The following HEMK1 variants were observed in gnomAD, a reference collection of about 807,000 sequenced individuals.
HEMK1 encodes MTRF1L release factor glutamine methyltransferase.
HEMK1 carries 36 observed loss-of-function variants against 47.9 expected under a neutral mutation model. The observed-to-expected ratio is 0.75, with a 90% CI of 0.58 to 0.99. The LOEUF is 0.99. HEMK1 is among the 50% of genes least tolerant of loss of function. HEMK1 has a pLI of 0.00. For missense variants in HEMK1, 383 were observed against 434.5 expected (o/e 0.88, Z 1.05); for synonymous variants, 153 against 165.4 (o/e 0.93, Z 0.57).
chr3:50,595,461 C>T lies in HEMK1; in HGVS notation c.*15044C>T, dbSNP rs914517014. ...CTGCATGCTGAATTTAGGGGACCCA[C>T]GTCTTTTATAATAAGCTGCAAGCAA... On this transcript the variant is annotated 3_prime_UTR_variant, in exon 11 of 11. Transcript: ENST00000232854. The T allele has an allele frequency of 7.2e-5, 11 of 152,172 alleles. No homozygotes were observed. The highest frequency in any genetic ancestry group is 2.4e-4 in the African/African-American group (10 of 41,434). The allele number at this position is 152,172 out of a possible 1,614,324, so 9.4% of individuals were successfully genotyped here.
Position 50,589,362 on chromosome 3 carries a change from C to G in HEMK1, c.*8945C>G, listed in dbSNP as rs1039811603. 1 of 151,852 alleles carries G rather than the reference C, an allele frequency of 6.6e-6. No homozygotes were observed. The highest frequency in any genetic ancestry group is 1.9e-4 in the East Asian group (1 of 5,190). 9.4% of individuals were successfully genotyped at this position (151,852 alleles called of 1,614,324 possible). A position where few individuals can be genotyped will look rare whatever the true frequency, so the allele number is the denominator to read the frequency against. ...GTTCTCTGAGCACATAGGAAGGATT[C>G]TAATGTGTCATAATTTGGTGCTGTG... On this transcript the variant is annotated 3_prime_UTR_variant, in exon 11 of 11. Transcript: ENST00000232854.
intron 4 of HEMK1, 53 bp from the exon 5 acceptor site, chr3:50,576,999 C>G: frequency 6.2e-7 from 1 of 1,606,698 alleles, no homozygotes; most frequent in Non-Finnish European, 8.5e-7. Context: ...TGTACCAAGA[C>G]CCCCAGGAGC....
At chr3:50,574,248 C>G (rs1454233753) in intron 4 of HEMK1, among the ~76,000 whole-genome samples, 1 of 152,218 alleles carries the variant, frequency 6.6e-6, no homozygotes, top group African/African-American at 2.4e-5. Flanking sequence ...GGCTTTTAGT[C>G]TTGCCGAAAG....
chr3:50,571,926 G>T (rs947596120), intron 3 of HEMK1, 125 bp downstream of exon 3: 2 of 1,276,034 alleles, frequency 1.6e-6, no homozygotes, highest in African/African-American at 1.5e-5. Flanking sequence ...GGGTGCAGGA[G>T]TGGCAAGAGT....
In HEMK1 at chr3:50,580,071, C is replaced by T. The variant is rs2232253; in HGVS notation, c.867-45C>T. ...AGCCCAAGCAGCCCAGAAGGGCAGG[C>T]GCCAGACCTGTCCTGCTGAGCCCAC... is the stretch of plus-strand genomic sequence containing the variant. On this transcript the variant is annotated intron_variant, in intron 9 of 10. Coordinates refer to ENST00000232854, the MANE Select transcript of HEMK1 (RefSeq NM_016173.5). The T allele has an allele frequency of 0.12, 186,762 of 1,566,892 alleles. 12,057 individuals carry two copies. Among genetic ancestry groups the T allele is most frequent in the Non-Finnish European group, 0.13 (148,984 of 1,137,344 alleles).
intron 1 of HEMK1, chr3:50,570,406 A>G (rs912393021): frequency 6.6e-6 from 1 of 152,266 alleles, no homozygotes; most frequent in Non-Finnish European, 1.5e-5. Flanking sequence ...TTCAGCATGT[A>G]CATCCATGAC....
At position 50,577,058 on chromosome 3, in the gene HEMK1, G is replaced by A. The variant is rs760991226; in HGVS notation, c.421G>A (p.Val141Ile). 3.7e-6 allele frequency: 6 copies of A among 1,613,978 alleles called. No homozygotes were observed. The highest frequency in any genetic ancestry group is 1.1e-5 in the South Asian group (1 of 91,084). The part of the protein sequence containing the change: ...FIPRPETEEL[V>I]EWVLEEVAQR... Reference sequence around the variant, plus strand: ...AGATCCCTCTGCTTCACAGGAACTGGTTGAGTGGGTGCTGGAAGAGGTGGC... The same window carrying A: ...AGATCCCTCTGCTTCACAGGAACTGATTGAGTGGGTGCTGGAAGAGGTGGC... The change falls in exon 5 of 11, where the codon GTT becomes ATT. Residue 141 changes from valine (V) to isoleucine (I), a missense_variant. Physicochemically the swap from Val to Ile is conservative, Grantham distance 29 (BLOSUM62 3). Coordinates refer to ENST00000232854, the MANE Select transcript of HEMK1 (RefSeq NM_016173.5).
rs1381291002 is a variant in HEMK1, at chr3:50,582,439, C to T, written c.*2022C>T. The stretch of plus-strand genomic sequence containing the variant: ...GTTGAGCCCAGATGTTGGAGCCACA[C>T]CAGCCTGGATTTCAATCCCAGAATC... On this transcript the variant is annotated 3_prime_UTR_variant, in exon 11 of 11. Coordinates refer to ENST00000232854, the MANE Select transcript of HEMK1 (RefSeq NM_016173.5). 2 of 152,264 alleles carry T rather than the reference C, an allele frequency of 1.3e-5. No homozygotes were observed. Among genetic ancestry groups the T allele is most frequent in the African/African-American group, 4.8e-5 (2 of 41,462 alleles). 9.4% of individuals were successfully genotyped at this position (152,264 alleles called of 1,614,324 possible).
chr3:50,571,493 A>T, intron 2 of HEMK1, 161 bp downstream of exon 2: 1 of 668,932 alleles, frequency 1.5e-6, no homozygotes, highest in Admixed American at 2.8e-5. Context: ...AGTTTGTTGG[A>T]TGAATGAATA....
Position 50,570,966 on chromosome 3 carries a change from T to G in HEMK1, c.-139T>G. 1 of 588,462 alleles carries G rather than the reference T, an allele frequency of 1.7e-6. No individual in the cohort carries two copies. The highest frequency in any genetic ancestry group is 2.9e-6 in the Non-Finnish European group (1 of 344,688). 36.5% of individuals were successfully genotyped at this position (588,462 alleles called of 1,614,324 possible). On this transcript the variant is annotated 5_prime_UTR_variant, in exon 2 of 11. It adds an upstream start codon to the 5' untranslated region. Coordinates refer to ENST00000232854, the MANE Select transcript of HEMK1 (RefSeq NM_016173.5). ...AACTATATCTGAGGACCAGAGCCAT[T>G]TTGGGGCACCAGAGCTTGTGACCTC... is the stretch of plus-strand genomic sequence containing the variant.
chr3:50,577,545 A>G lies in HEMK1; in HGVS notation c.586A>G (p.Ile196Val). 1 of 1,614,136 alleles carries G rather than the reference A, an allele frequency of 6.2e-7. No individual in the cohort carries two copies. Among genetic ancestry groups the G allele is most frequent in the Non-Finnish European group, 8.5e-7 (1 of 1,180,000 alleles). Residue 196 changes from isoleucine (I) to valine (V), a missense_variant, in exon 6 of 11, where the codon ATC becomes GTC. Ile to Val is a conservative substitution (Grantham distance 29, BLOSUM62 3). Transcript: ENST00000232854. ...TGCTGTGGATAAGCGGGAAGCTGCT[A>G]TCTCTCTGACCCATGAGAATGCTCA... ...VIAVDKREAA[I>V]SLTHENAQRL...
rs1701065867 is a variant in HEMK1, at chr3:50,572,196, G to GC, written c.404dup (p.Glu136ArgfsTer7). On this transcript the variant is annotated frameshift_variant, in exon 4 of 11. Coordinates refer to ENST00000232854, the MANE Select transcript of HEMK1 (RefSeq NM_016173.5). LOFTEE classifies it high-confidence loss of function. ...TGGTGCCCCCAGTGTTTATTCCTCG[G>GC]CCAGAAACAGAGGTAGGTGTGCCAC... 1 of 1,613,382 alleles carries GC rather than the reference G, an allele frequency of 6.2e-7. No homozygotes were observed. Among genetic ancestry groups the GC allele is most frequent in the African/African-American group, 1.3e-5 (1 of 75,016 alleles).
At position 50,595,189 on chromosome 3, in the gene HEMK1, C is replaced by T. The variant is rs576399505; in HGVS notation, c.*14772C>T. ...GGATTACAGGAGTGAGCCACCGCGC[C>T]CGGCTTATCCGACTTTGAAGCAAAC... is the stretch of plus-strand genomic sequence containing the variant. On this transcript the variant is annotated 3_prime_UTR_variant, in exon 11 of 11. Coordinates refer to ENST00000232854, the MANE Select transcript of HEMK1 (RefSeq NM_016173.5). 5.9e-5 allele frequency: 9 copies of T among 152,360 alleles called. No individual in the cohort carries two copies. The highest frequency in any genetic ancestry group is 1.3e-4 in the Admixed American group (2 of 15,302). 9.4% of individuals were successfully genotyped at this position (152,360 alleles called of 1,614,324 possible).
At position 50,580,188 on chromosome 3, in the gene HEMK1, G is replaced by T; in HGVS notation, c.939G>T (p.Leu313=). The T allele has an allele frequency of 1.2e-6, 2 of 1,614,162 alleles. No homozygotes were observed. The highest frequency in any genetic ancestry group is 1.7e-6 in the Non-Finnish European group (2 of 1,180,032). ...VSSWLQSRPD[L]YLNLVAVRRD... ...GCTGGCTTCAGAGCCGGCCTGACCT[G>T]TACCTTAATCTTGTGGCTGTGCGCA... is the stretch of plus-strand genomic sequence containing the variant. Residue 313 remains leucine (L), a synonymous_variant, in exon 10 of 11, where the codon CTG becomes CTT. Coordinates refer to ENST00000232854, the MANE Select transcript of HEMK1 (RefSeq NM_016173.5).
Position 50,581,749 on chromosome 3 carries a change from A to G in HEMK1, c.*1332A>G, listed in dbSNP as rs1254314650. On this transcript the variant is annotated 3_prime_UTR_variant, in exon 11 of 11. Coordinates refer to ENST00000232854, the MANE Select transcript of HEMK1 (RefSeq NM_016173.5). ...TTAGATCCCTCCCTTTGGGGAGCCT[A>G]TATTGCTGGAGTCATACCCAGCCTA... 3.9e-5 allele frequency: 6 copies of G among 152,232 alleles called. No homozygotes were observed. Among genetic ancestry groups the G allele is most frequent in the East Asian group, 1.9e-4 (1 of 5,194 alleles). 9.4% of individuals were successfully genotyped at this position (152,232 alleles called of 1,614,324 possible).
rs1307140440 is a variant in HEMK1 at position 50,590,231 on chromosome 3, A to G, written c.*9814A>G. 6.6e-6 allele frequency: 1 copy of G among 152,012 alleles called. No individual in the cohort carries two copies. The highest frequency in any genetic ancestry group is 1.5e-5 in the Non-Finnish European group (1 of 68,044). 9.4% of individuals were successfully genotyped at this position (152,012 alleles called of 1,614,324 possible). A position where few individuals can be genotyped will look rare whatever the true frequency, so the allele number is the denominator to read the frequency against. ...ATAATTTTAAAAAAATGTTTTAAAA[A>G]TGAAAGAAAAGGAAGAAGGGAGGAG... On this transcript the variant is annotated 3_prime_UTR_variant, in exon 11 of 11. Coordinates refer to ENST00000232854, the MANE Select transcript of HEMK1 (RefSeq NM_016173.5).
At position 50,571,099 on chromosome 3, in the gene HEMK1, T is replaced by C. The variant is rs749529733; in HGVS notation, c.-6T>C. ...GGAAGCACTCTGGAGAACCTTTCCC[T>C]GAGACATGGAGCTTTGGGGCCGAAT... On this transcript the variant is annotated 5_prime_UTR_variant, in exon 2 of 11. Transcript: ENST00000232854. The C allele has an allele frequency of 1.3e-6, 2 of 1,577,076 alleles. No homozygotes were observed. The highest frequency in any genetic ancestry group is 2.3e-5 in the East Asian group (1 of 44,328).
In HEMK1 at chr3:50,582,401, T is replaced by C. The variant is rs1208829800; in HGVS notation, c.*1984T>C. 2 of 152,192 alleles carry C rather than the reference T, an allele frequency of 1.3e-5. No homozygotes were observed. Among genetic ancestry groups the C allele is most frequent in the African/African-American group, 4.8e-5 (2 of 41,458 alleles). 9.4% of individuals were successfully genotyped at this position (152,192 alleles called of 1,614,324 possible). A position where few individuals can be genotyped will look rare whatever the true frequency, so the allele number is the denominator to read the frequency against. On this transcript the variant is annotated 3_prime_UTR_variant, in exon 11 of 11. Coordinates refer to ENST00000232854, the MANE Select transcript of HEMK1 (RefSeq NM_016173.5). ...CTCAAGCCTGCAGCCACTGGCTTGA[T>C]TGGGCCCTGGACGTTGAGCCCAGAT...
chr3:50,578,933 A>T lies in HEMK1; in HGVS notation c.770+7A>T. 6.2e-7 allele frequency: 1 copy of T among 1,605,668 alleles called. No individual in the cohort carries two copies. The highest frequency in any genetic ancestry group is 8.5e-7 in the Non-Finnish European group (1 of 1,175,056). Reference sequence around the variant, plus strand: ...TGGCCCCTGAGATCCGCAGGTGCTAAGCAGGGTGGGCCAGGGAGGCCAGGC... The same window carrying T: ...TGGCCCCTGAGATCCGCAGGTGCTATGCAGGGTGGGCCAGGGAGGCCAGGC... On this transcript the variant is annotated splice_region_variant and intron_variant, in intron 8 of 10. Transcript: ENST00000232854.
Sources: gnomAD v4.1 joint callset for allele counts (sites outside exome capture counted in the v4.1 genomes callset) on GRCh38, gnomAD v4.1.1 for gene constraint, MANE v1.5 for transcripts, NCBI Gene and HGNC (gene_info 2026-07-23, HGNC 2026-07-21) for gene names.